Variants in NAALADL2 observed in about 807,000 individuals in gnomAD.
The protein encoded by NAALADL2 is inactive N-acetylated-alpha-linked acidic dipeptidase-like protein 2.
NAALADL2 carries 76 observed loss-of-function variants against 87.2 expected under a neutral mutation model. The observed-to-expected ratio is 0.87, with a 90% CI of 0.72 to 1.05. NAALADL2 has a LOEUF of 1.05. Ranked by LOEUF, NAALADL2 falls within the 50% of genes least tolerant of loss-of-function variation. The pLI, the probability that NAALADL2 is intolerant of heterozygous loss-of-function variation, is 0.00. For missense variants in NAALADL2, 1,089 were observed against 945.8 expected, an observed-to-expected ratio of 1.15 and a Z score of -1.99; for synonymous variants, 354 against 331.0, an observed-to-expected ratio of 1.07 and a Z score of -0.75.
At chr3:174,459,060 G>A (rs1716037882) in intron 1 of NAALADL2, among the ~76,000 whole-genome samples, 1 of 151,972 alleles carries the variant, frequency 6.6e-6, no homozygotes, top group Non-Finnish European at 1.5e-5. Flanking sequence ...AATTTTCACT[G>A]GTCTTTGACA....
In NAALADL2 at chr3:174,859,521, CTG is replaced by C. The variant is rs1469673950; in HGVS notation, c.43+77_43+78del. The C allele has an allele frequency of 1.8e-5, 22 of 1,228,388 alleles. No individual in the cohort carries two copies. In the Admixed American group the frequency reaches 1.9e-4, roughly 11 times the overall value. The allele number at this position is 1,228,388 out of a possible 1,614,324, so 76.1% of individuals were successfully genotyped here. On this transcript the variant is annotated intron_variant, in intron 1 of 13. Coordinates refer to ENST00000454872, the MANE Select transcript of NAALADL2 (RefSeq NM_207015.3). ...ACTTAAGCAGTGTTGATTACAAAGT[CTG>C]TGTGTTTCTGTGTATGCACACACGC...
intron 10 of NAALADL2, among the ~76,000 whole-genome samples, chr3:175,607,717 G>A (rs1723964864): frequency 6.6e-6 from 1 of 151,994 alleles, no homozygotes; most frequent in African/African-American, 2.4e-5. Context: ...TGTAAAAGAG[G>A]GAAGACGTTG....
intron 1 of NAALADL2, among the ~76,000 whole-genome samples, chr3:174,549,267 C>T (rs914646665): frequency 1.3e-5 from 2 of 152,178 alleles, no homozygotes; most frequent in Non-Finnish European, 2.9e-5. Context: ...GCAGATCTGA[C>T]ATATATTAAG....
intron 2 of NAALADL2, among the ~76,000 whole-genome samples, chr3:175,103,708 G>A (rs574877787): frequency 2.0e-5 from 3 of 152,176 alleles, no homozygotes; most frequent in East Asian, 3.9e-4. Flanking sequence ...TAACTTATAG[G>A]GATGAATTTT....
intron 5 of NAALADL2, among the ~76,000 whole-genome samples, chr3:175,334,931 C>A (rs1231220892): frequency 6.6e-6 from 1 of 152,140 alleles, no homozygotes; most frequent in Non-Finnish European, 1.5e-5. Context: ...GCCGTTTCTG[C>A]AATCAGTCAT....
At chr3:175,183,954 C>T (rs1286325352) in intron 2 of NAALADL2, among the ~76,000 whole-genome samples, 1 of 150,850 alleles carries the variant, frequency 6.6e-6, no homozygotes, top group Admixed American at 6.7e-5. Flanking sequence ...CACTGTGCGG[C>T]CACCCTCAAA....
intron 3 of NAALADL2, among the ~76,000 whole-genome samples, chr3:174,795,924 A>G (rs958442346): frequency 2.0e-5 from 3 of 152,200 alleles, no homozygotes; most frequent in African/African-American, 7.2e-5. Flanking sequence ...ATATCTGCAT[A>G]CACATTTTTT....
At chr3:174,997,833 A>AAACAACAACAACAACAAC (rs60367540) in intron 1 of NAALADL2, among the ~76,000 whole-genome samples, 1 of 141,956 alleles carries the variant, frequency 7.0e-6, no homozygotes, top group African/African-American at 3.1e-5. Context: ...ACCAAAAAGC[A>AAACAACAACAACAACAAC]AACAACAACA....
chr3:174,578,048 G>T (rs1715735600), intron 2 of NAALADL2, among the ~76,000 whole-genome samples: 1 of 151,824 alleles, frequency 6.6e-6, no homozygotes, highest in Non-Finnish European at 1.5e-5. Context: ...GTTTAATGAA[G>T]GCGAAGAGAA....
At chr3:175,418,767 G>A (rs576410909) in intron 5 of NAALADL2, among the ~76,000 whole-genome samples, 2 of 152,184 alleles carry the variant, frequency 1.3e-5, no homozygotes, top group South Asian at 4.1e-4. Flanking sequence ...ACATATCACA[G>A]TAGGCTATTT....
Position 174,626,595 on chromosome 3 carries a change from T to G in NAALADL2, c.-115+75958T>G, listed in dbSNP as rs146400892. ...GTATAGTAACATTTTTCCATATAGCTATTACAATTTTTAAGCACCCAAATG... is the reference window on the plus strand; with the variant it reads ...GTATAGTAACATTTTTCCATATAGCGATTACAATTTTTAAGCACCCAAATG... On this transcript the variant is annotated intron_variant, in intron 2 of 3. Transcript: ENST00000434257. 7.8e-3 allele frequency among the ~76,000 whole-genome samples: 1,188 copies of G among 152,174 alleles called. 16 individuals carry two copies. The highest frequency in any genetic ancestry group is 0.027 in the African/African-American group (1,122 of 41,556).
intron 13 of NAALADL2, chr3:175,773,536 G>A (rs1333919054): frequency 6.6e-6 from 1 of 152,064 alleles, no homozygotes; most frequent in East Asian, 1.9e-4. Context: ...TGATTGCAGT[G>A]TTCAGGAAGC....
chr3:175,524,766 A>G (rs1442286853), intron 9 of NAALADL2, among the ~76,000 whole-genome samples: 1 of 152,170 alleles, frequency 6.6e-6, no homozygotes, highest in Non-Finnish European at 1.5e-5. Flanking sequence ...ATTTTTCTCA[A>G]TAAGTTAACA....
chr3:174,651,551 C>A (rs570332038), intron 2 of NAALADL2, among the ~76,000 whole-genome samples: 2 of 152,158 alleles, frequency 1.3e-5, no homozygotes. Context: ...TAAATAAAAA[C>A]AATAACTTAG....
chr3:174,537,032 A>G (rs556283197), intron 1 of NAALADL2, among the ~76,000 whole-genome samples: 77 of 152,296 alleles, frequency 5.1e-4, no homozygotes, highest in Middle Eastern at 3.4e-3. Context: ...TAAATAAGTC[A>G]TATGATTTAT....
rs1172677744 is a variant in NAALADL2, at chr3:175,809,369, T to C, written c.*6166T>C. 2 of 151,752 alleles carry C rather than the reference T, an allele frequency of 1.3e-5. No homozygotes were observed. Among genetic ancestry groups the C allele is most frequent in the Admixed American group, 1.3e-4 (2 of 15,172 alleles). The allele number at this position is 151,752 out of a possible 1,614,324, so 9.4% of individuals were successfully genotyped here. ...TAACAGAAAGGTTTAATGGCAAATATTCCTTATATTCTAACTTGCTACTTG... is the reference window on the plus strand; with the variant it reads ...TAACAGAAAGGTTTAATGGCAAATACTCCTTATATTCTAACTTGCTACTTG... On this transcript the variant is annotated 3_prime_UTR_variant, in exon 14 of 14. Transcript: ENST00000454872.
chr3:174,668,515 C>T (rs920965584), intron 2 of NAALADL2, among the ~76,000 whole-genome samples: 8 of 152,106 alleles, frequency 5.3e-5, no homozygotes, highest in African/African-American at 1.9e-4. Context: ...TGGTGTGCTG[C>T]ACCCAGTAAC....
chr3:175,669,333 C>A (rs1733620940), intron 11 of NAALADL2, among the ~76,000 whole-genome samples: 1 of 151,954 alleles, frequency 6.6e-6, no homozygotes, highest in East Asian at 1.9e-4. Context: ...CCTTTCTTAG[C>A]TTCAGTGGTC....
chr3:175,260,821 G>A (rs1560250362), intron 4 of NAALADL2, among the ~76,000 whole-genome samples: 1 of 152,136 alleles, frequency 6.6e-6, no homozygotes, highest in East Asian at 1.9e-4. Flanking sequence ...TAAATTATTA[G>A]ATTATCTCTT....
Sources: allele counts gnomAD v4.1 joint callset (sites outside exome capture counted in the v4.1 genomes callset), GRCh38; gene constraint gnomAD v4.1.1; transcripts MANE v1.5; gene names NCBI Gene and HGNC (gene_info 2026-07-23, HGNC 2026-07-21).